ACER3: variants seen among roughly 807,000 people sequenced by gnomAD.
ACER3 encodes alkaline ceramidase 3.
A neutral mutation model predicts 48.9 loss-of-function variants in ACER3; 16 were observed. That is an observed-to-expected ratio of 0.33 (90% CI 0.22 to 0.50). The LOEUF (loss-of-function observed/expected upper bound fraction) is 0.50, where lower values mean the gene tolerates loss of function less well. Among genes scored for constraint, ACER3 ranks in the 20% least tolerant of loss-of-function variants. The pLI is 0.98. For missense variants in ACER3, 227 were observed against 326.0 expected (o/e 0.70, Z 2.34); for synonymous variants, 109 against 107.8 (o/e 1.01, Z -0.07).
intron 3 of ACER3, among the ~76,000 whole-genome samples, chr11:76,961,741 C>T (rs1003848638): frequency 2.0e-5 from 3 of 147,396 alleles, no homozygotes; most frequent in African/African-American, 5.1e-5. Flanking sequence ...TAATGTAACC[C>T]GATGAGTAAT....
At chr11:76,861,644 C>G (rs1420421800) in intron 1 of ACER3, among the ~76,000 whole-genome samples, 1 of 152,164 alleles carries the variant, frequency 6.6e-6, no homozygotes, top group East Asian at 1.9e-4. Context: ...ACCCCTATCC[C>G]CCAGGATGTC....
At chr11:76,926,763 C>T in intron 2 of ACER3, 96 bp downstream of exon 2, 1 of 786,218 alleles carries the variant, frequency 1.3e-6, no homozygotes, top group Non-Finnish European at 2.0e-6. Flanking sequence ...TGTGTTATTA[C>T]ATAACTTGAA....
intron 1 of ACER3, among the ~76,000 whole-genome samples, chr11:76,895,429 G>C (rs1945904210): frequency 6.6e-6 from 1 of 152,150 alleles, no homozygotes; most frequent in African/African-American, 2.4e-5. Flanking sequence ...AGGGCCACGA[G>C]CAGAAGGAAA....
rs1949441531 is a variant in ACER3 at position 77,019,808 on chromosome 11, T to C, written c.750+32T>C. 4 of 1,604,994 alleles carry C rather than the reference T, an allele frequency of 2.5e-6. No homozygotes were observed. The African/African-American group carries it at 4.0e-5, about 16-fold the overall frequency. On this transcript the variant is annotated intron_variant, in intron 10 of 10. Coordinates refer to ENST00000532485, the MANE Select transcript of ACER3 (RefSeq NM_018367.7). Reference sequence around the variant, plus strand: ...CCACTTCCTAGGTCCTGTGTGTGTGTTGGGGGTATGGTACTGGGAGTATAG... The same window carrying C: ...CCACTTCCTAGGTCCTGTGTGTGTGCTGGGGGTATGGTACTGGGAGTATAG...
At chr11:76,900,569 C>T (rs1371835039) in intron 1 of ACER3, among the ~76,000 whole-genome samples, 1 of 151,818 alleles carries the variant, frequency 6.6e-6, no homozygotes. Context: ...TTCATAATCC[C>T]AGCACTTTGG....
At chr11:76,960,574 C>G (rs757661994) in intron 3 of ACER3, among the ~76,000 whole-genome samples, 1 of 152,062 alleles carries the variant, frequency 6.6e-6, no homozygotes, top group Non-Finnish European at 1.5e-5. Context: ...AGGCTTATTT[C>G]AAGTGCTCAG....
At chr11:76,919,126 A>T (rs1241782906) in intron 1 of ACER3, among the ~76,000 whole-genome samples, 2 of 152,204 alleles carry the variant, frequency 1.3e-5, no homozygotes, top group Non-Finnish European at 2.9e-5. Context: ...ACTAGATTTT[A>T]ATGCTTCTAT....
At chr11:76,875,104 C>CTACTTT (rs1565153658) in intron 1 of ACER3, among the ~76,000 whole-genome samples, 1 of 50,512 alleles carries the variant, frequency 2.0e-5, no homozygotes, top group Non-Finnish European at 5.5e-5. Flanking sequence ...ATGAAAAGCA[C>CTACTTT]TTCTTTTTTT....
Position 77,023,964 on chromosome 11 carries a change from C to T in ACER3, c.*3637C>T, listed in dbSNP as rs1949508929. The T allele has an allele frequency of 6.7e-6, 1 of 149,972 alleles. No homozygotes were observed. The highest frequency in any genetic ancestry group is 2.1e-4 in the South Asian group (1 of 4,742). The allele number at this position is 149,972 out of a possible 1,614,324, so 9.3% of individuals were successfully genotyped here. ...TGGCGGGCGCCTGTAGTCCCAGCTA[C>T]TCGGGAGGCTGAGGCAGGAGAATGG... is the stretch of plus-strand genomic sequence containing the variant. On this transcript the variant is annotated 3_prime_UTR_variant, in exon 11 of 11. Coordinates refer to ENST00000532485, the MANE Select transcript of ACER3 (RefSeq NM_018367.7).
rs12272512 is a variant in ACER3 at position 76,945,445 on chromosome 11, T to C, written c.215-13534T>C. Among the ~76,000 whole-genome samples, 227 of 152,326 alleles carry C rather than the reference T, an allele frequency of 1.5e-3. 2 individuals carry two copies. Among genetic ancestry groups the C allele is most frequent in the African/African-American group, 5.2e-3 (216 of 41,580 alleles). ...CTTTGATTTTGGGTGCCTGCAGTAG[T>C]GTGATCTTTGTATGACTTCTTTGGC... On this transcript the variant is annotated intron_variant, in intron 2 of 10. Transcript: ENST00000532485.
At chr11:76,862,808 A>G (rs1281099047) in intron 1 of ACER3, among the ~76,000 whole-genome samples, 1 of 152,358 alleles carries the variant, frequency 6.6e-6, no homozygotes, top group South Asian at 2.1e-4. Flanking sequence ...AAAGTGTTAA[A>G]TCAGACATTG....
At chr11:76,946,263 C>T (rs1447739639) in intron 2 of ACER3, among the ~76,000 whole-genome samples, 1 of 152,210 alleles carries the variant, frequency 6.6e-6, no homozygotes, top group East Asian at 1.9e-4. Context: ...CACAGCCCAG[C>T]ATTAAACTTT....
intron 1 of ACER3, among the ~76,000 whole-genome samples, chr11:76,902,944 A>G (rs902141889): frequency 2.6e-5 from 4 of 152,206 alleles, no homozygotes; most frequent in Non-Finnish European, 5.9e-5. Context: ...TTTCTTGACT[A>G]TGAATAGTGC....
intron 4 of ACER3, among the ~76,000 whole-genome samples, chr11:76,978,035 G>C (rs1011204430): frequency 6.6e-6 from 1 of 152,232 alleles, no homozygotes. Context: ...TTTAGGCACT[G>C]ACAAGCATGG....
chr11:76,971,933 C>T (rs1286208808), intron 3 of ACER3, among the ~76,000 whole-genome samples: 1 of 152,166 alleles, frequency 6.6e-6, no homozygotes, highest in Non-Finnish European at 1.5e-5. Context: ...CAAAGAAAGC[C>T]TGTTCGCATC....
chr11:76,865,485 C>G lies in ACER3; in HGVS notation c.103+4406C>G, dbSNP rs571489484. ...GCATTTACGTTGATAAGTTTGCCTTCTCTTTCTCTGAATTCCTCAGATTGC... is the reference window on the plus strand; with the variant it reads ...GCATTTACGTTGATAAGTTTGCCTTGTCTTTCTCTGAATTCCTCAGATTGC... On this transcript the variant is annotated intron_variant, in intron 1 of 10. Coordinates refer to ENST00000532485, the MANE Select transcript of ACER3 (RefSeq NM_018367.7). 6.9e-4 allele frequency among the ~76,000 whole-genome samples: 105 copies of G among 151,572 alleles called. 3 individuals carry two copies. The highest frequency in any genetic ancestry group is 6.8e-3 in the Middle Eastern group (2 of 292).
chr11:76,873,542 A>G (rs1176424919), intron 1 of ACER3, among the ~76,000 whole-genome samples: 3 of 152,166 alleles, frequency 2.0e-5, no homozygotes, highest in Admixed American at 6.6e-5. Context: ...TTCAGAAACA[A>G]TTTTCATCCT....
chr11:76,929,923 A>T (rs1298203149), intron 2 of ACER3, among the ~76,000 whole-genome samples: 2 of 152,214 alleles, frequency 1.3e-5, no homozygotes, highest in East Asian at 3.9e-4. Flanking sequence ...TATTGGTCTA[A>T]AATTCTCTTT....
intron 1 of ACER3, among the ~76,000 whole-genome samples, chr11:76,891,247 A>T (rs200711707): frequency 9.1e-5 from 3 of 32,884 alleles, no homozygotes; most frequent in Non-Finnish European, 2.2e-4. Context: ...TTATATATAT[A>T]ATATATATAT....
Sources: gnomAD v4.1 joint callset for allele counts (sites outside exome capture counted in the v4.1 genomes callset) on GRCh38, gnomAD v4.1.1 for gene constraint, MANE v1.5 for transcripts, NCBI Gene and HGNC (gene_info 2026-07-23, HGNC 2026-07-21) for gene names.